Variants in ITGB3 observed in about 807,000 individuals in gnomAD.
The protein encoded by ITGB3 is integrin beta-3.
Under a neutral mutation model 85.8 loss-of-function variants are expected in ITGB3, and 48 were observed. The observed-to-expected ratio is 0.56, with a 90% confidence interval of 0.44 to 0.71. The LOEUF is 0.71. ITGB3 is among the 30% of genes least tolerant of loss of function. The pLI, the probability that ITGB3 is intolerant of heterozygous loss-of-function variation, is 0.00. For missense variants in ITGB3, 861 were observed against 1,019.1 expected, an observed-to-expected ratio of 0.84 and a Z score of 2.11; for synonymous variants, 363 against 395.6, an observed-to-expected ratio of 0.92 and a Z score of 0.98.
chr17:47,287,911 C>CTTTTTTTTTTTTTTT (rs60463106), intron 6 of ITGB3, among the ~76,000 whole-genome samples: 2 of 55,390 alleles, frequency 3.6e-5, no homozygotes, highest in African/African-American at 8.1e-5. Flanking sequence ...ACCACCCCTG[C>CTTTTTTTTTTTTTTT]TTTTTTTTTT....
chr17:47,308,160 A>AAATAATAATAATAATAATAAT (rs200038305), intron 14 of ITGB3, among the ~76,000 whole-genome samples: 13,104 of 138,310 alleles, frequency 0.095, 746 homozygotes, highest in African/African-American at 0.13. Flanking sequence ...TCGGTCTCAA[A>AAATAATAATAATAATAATAAT]AATAATAATA....
intron 10 of ITGB3, among the ~76,000 whole-genome samples, chr17:47,297,881 C>A (rs868511490): frequency 0.011 from 1,304 of 115,316 alleles, no homozygotes; most frequent in Admixed American, 0.012. Flanking sequence ...GACTCTGTCT[C>A]AAAAAAAAAA....
intron 14 of ITGB3, among the ~76,000 whole-genome samples, chr17:47,309,304 T>C (rs1470773545): frequency 6.6e-6 from 1 of 152,000 alleles, no homozygotes; most frequent in Non-Finnish European, 1.5e-5. Flanking sequence ...CTTCCTACCT[T>C]GGCCCCTAAA....
At chr17:47,279,573 T>C (rs1476004774) in intron 2 of ITGB3, 1 of 152,202 alleles carries the variant, frequency 6.6e-6, no homozygotes, top group Admixed American at 6.5e-5. Context: ...TAACAAACCA[T>C]TAGGACTGTC....
chr17:47,304,695 C>T (rs779483980), intron 13 of ITGB3, among the ~76,000 whole-genome samples: 20 of 152,122 alleles, frequency 1.3e-4, no homozygotes, highest in Non-Finnish European at 2.8e-4. Flanking sequence ...GCAATCTCTG[C>T]CTCCCAGGTT....
rs533139765 is a variant in ITGB3 at position 47,312,630 on chromosome 17, G to A, written c.*2426G>A. ...ATATGAAGAAACTGTATCAAAGGGG[G>A]AAGAAAATGTATTTAACAGGTGAAT... On this transcript the variant is annotated 3_prime_UTR_variant, in exon 15 of 15. Transcript: ENST00000559488. Among the ~76,000 whole-genome samples, 21 of 152,302 alleles carry A rather than the reference G, an allele frequency of 1.4e-4. No individual in the cohort carries two copies. Among genetic ancestry groups the A allele is most frequent in the African/African-American group, 5.1e-4 (21 of 41,560 alleles).
chr17:47,288,753 G>T (rs2065114014), intron 6 of ITGB3, among the ~76,000 whole-genome samples: 1 of 152,234 alleles, frequency 6.6e-6, no homozygotes, highest in East Asian at 1.9e-4. Flanking sequence ...CACTGGGCCA[G>T]GGGCTGAGGG....
rs754719740 is a variant in ITGB3, at chr17:47,292,402, G to A, written c.1524G>A (p.Gln508=). The change falls in exon 10 of 15, where the codon CAG becomes CAA. Residue 508 remains glutamine, a synonymous_variant. Coordinates refer to ENST00000559488, the MANE Select transcript of ITGB3 (RefSeq NM_000212.3). ...ECSEEDYRPS[Q]QDECSPREGQ... ...CAGAGGAGGACTATCGCCCTTCCCAGCAGGACGAATGCAGCCCCCGGGAGG... is the reference window on the plus strand; with the variant it reads ...CAGAGGAGGACTATCGCCCTTCCCAACAGGACGAATGCAGCCCCCGGGAGG... 2 of 1,613,342 alleles carry A rather than the reference G, an allele frequency of 1.2e-6. No individual in the cohort carries two copies. The highest frequency in any genetic ancestry group is 1.7e-5 in the Admixed American group (1 of 60,010).
intron 12 of ITGB3, among the ~76,000 whole-genome samples, chr17:47,301,374 C>T (rs748022728): frequency 6.6e-6 from 1 of 152,198 alleles, no homozygotes; most frequent in Non-Finnish European, 1.5e-5. Flanking sequence ...CACAGCCAGC[C>T]AGTCAGCTTC....
intron 1 of ITGB3, among the ~76,000 whole-genome samples, chr17:47,260,725 A>G (rs1021847900): frequency 1.3e-5 from 2 of 151,940 alleles, no homozygotes; most frequent in African/African-American, 2.4e-5. Context: ...GACTTCCACA[A>G]GTTGAGAACA....
intron 12 of ITGB3, 86 bp from the exon 13 acceptor site, chr17:47,302,635 C>T: frequency 1.3e-6 from 2 of 1,524,716 alleles, no homozygotes; most frequent in Non-Finnish European, 9.1e-7. Context: ...ACATACTTCC[C>T]TGGAAGTCCT....
At position 47,312,543 on chromosome 17, in the gene ITGB3, C is replaced by A. The variant is rs1659766935; in HGVS notation, c.*2339C>A. 2.0e-5 allele frequency among the ~76,000 whole-genome samples: 3 copies of A among 152,176 alleles called. No homozygotes were observed. In the South Asian group the frequency reaches 6.2e-4, roughly 32 times the overall value. ...GGCTCACGCCTGTGATTATAATCTT[C>A]AGTTACTAAGACAGAGTCCATGAGA... On this transcript the variant is annotated 3_prime_UTR_variant, in exon 15 of 15. Coordinates refer to ENST00000559488, the MANE Select transcript of ITGB3 (RefSeq NM_000212.3).
intron 9 of ITGB3, 143 bp from the exon 10 acceptor site, chr17:47,291,996 C>A: frequency 2.5e-6 from 2 of 796,986 alleles, no homozygotes; most frequent in Non-Finnish European, 4.3e-6. Flanking sequence ...ATAGGGAAGG[C>A]TGAGGAACTC....
At chr17:47,258,786 G>T (rs8077375) in intron 1 of ITGB3, among the ~76,000 whole-genome samples, 2 of 151,952 alleles carry the variant, frequency 1.3e-5, no homozygotes, top group Admixed American at 1.3e-4. Flanking sequence ...CTCAACCCTC[G>T]TCGGTTGCAA....
chr17:47,263,973 T>G (rs915379999), intron 1 of ITGB3, among the ~76,000 whole-genome samples: 6 of 152,196 alleles, frequency 3.9e-5, no homozygotes, highest in Non-Finnish European at 7.3e-5. Flanking sequence ...ATGAACAGTT[T>G]GGAAACTGGG....
intron 1 of ITGB3, among the ~76,000 whole-genome samples, chr17:47,270,030 A>G (rs1235583763): frequency 6.6e-6 from 1 of 152,148 alleles, no homozygotes; most frequent in Non-Finnish European, 1.5e-5. Context: ...GCAAAGGGGG[A>G]AAAGCCTTTT....
intron 9 of ITGB3, 196 bp downstream of exon 9, chr17:47,291,284 T>A: frequency 1.6e-6 from 1 of 643,270 alleles, no homozygotes; most frequent in Non-Finnish European, 2.7e-6. Context: ...TTCTGTTGCG[T>A]AAGCCATTTC....
At chr17:47,295,425 T>C (rs2065142243) in intron 10 of ITGB3, among the ~76,000 whole-genome samples, 1 of 152,162 alleles carries the variant, frequency 6.6e-6, no homozygotes, top group Non-Finnish European at 1.5e-5. Flanking sequence ...CCACTCTTCA[T>C]TTCTTACTTT....
intron 13 of ITGB3, among the ~76,000 whole-genome samples, chr17:47,306,337 C>T (rs1304540921): frequency 6.6e-6 from 1 of 152,158 alleles, no homozygotes; most frequent in Non-Finnish European, 1.5e-5. Context: ...AGCAGTGGCA[C>T]GATCATGGCT....
Sources: gnomAD v4.1 joint callset for allele counts (sites outside exome capture counted in the v4.1 genomes callset) on GRCh38, gnomAD v4.1.1 for gene constraint, MANE v1.5 for transcripts, NCBI Gene and HGNC (gene_info 2026-07-23, HGNC 2026-07-21) for gene names.